Variants in TBC1D22A observed in about 807,000 individuals in gnomAD.
TBC1D22A encodes the protein putative GTPase activator.
Under a neutral mutation model 60.2 loss-of-function variants are expected in TBC1D22A, and 38 were observed. The observed-to-expected ratio is 0.63, with a 90% CI of 0.49 to 0.83. The LOEUF (loss-of-function observed/expected upper bound fraction) is 0.83, where lower values mean the gene tolerates loss of function less well. TBC1D22A is among the 40% of genes least tolerant of loss of function. The pLI is 0.00. For missense variants in TBC1D22A, 628 were observed against 701.0 expected (o/e 0.90, Z 1.18); for synonymous variants, 302 against 281.7 (o/e 1.07, Z -0.72).
chr22:46,926,369 G>T (rs552681732), intron 8 of TBC1D22A, among the ~76,000 whole-genome samples: 1 of 148,664 alleles, frequency 6.7e-6, no homozygotes, highest in East Asian at 2.2e-4. Context: ...GAAAACTCAA[G>T]TTACTAAATT....
At chr22:46,993,671 G>C (rs918484363) in intron 9 of TBC1D22A, among the ~76,000 whole-genome samples, 1 of 152,214 alleles carries the variant, frequency 6.6e-6, no homozygotes, top group African/African-American at 2.4e-5. Context: ...AGGGGCCTTG[G>C]TGCAGCCTGC....
chr22:47,019,398 G>T (rs1175879914), intron 10 of TBC1D22A, among the ~76,000 whole-genome samples: 1 of 152,258 alleles, frequency 6.6e-6, no homozygotes, highest in Admixed American at 6.5e-5. Flanking sequence ...CTGATGAGAT[G>T]GCAGATTGGG....
intron 4 of TBC1D22A, among the ~76,000 whole-genome samples, chr22:46,804,562 C>G (rs888063905): frequency 1.3e-5 from 2 of 152,182 alleles, no homozygotes; most frequent in Non-Finnish European, 2.9e-5. Flanking sequence ...AACACGCTGG[C>G]TCCCCACTTT....
intron 12 of TBC1D22A, 74 bp from the exon 13 acceptor site, chr22:47,173,424 T>C: frequency 6.4e-7 from 1 of 1,571,776 alleles, no homozygotes; most frequent in Non-Finnish European, 8.7e-7. Context: ...TATCTTTCCC[T>C]CCAGTTTTCT....
At chr22:46,940,453 AATATAT>A in intron 8 of TBC1D22A, among the ~76,000 whole-genome samples, 1 of 142,762 alleles carries the variant, frequency 7.0e-6, no homozygotes, top group Non-Finnish European at 1.5e-5. Flanking sequence ...GGGGCACTAG[AATATAT>A]ATATATATAT....
intron 8 of TBC1D22A, among the ~76,000 whole-genome samples, chr22:46,972,845 C>T (rs1360044705): frequency 6.6e-6 from 1 of 152,148 alleles, no homozygotes; most frequent in East Asian, 1.9e-4. Context: ...TGAGGGTCCA[C>T]CCCCAGCACC....
At chr22:46,899,537 A>G (rs1044881564) in intron 7 of TBC1D22A, among the ~76,000 whole-genome samples, 4 of 152,178 alleles carry the variant, frequency 2.6e-5, no homozygotes, top group African/African-American at 4.8e-5. Context: ...TTAGATTTCA[A>G]TACATCTGCA....
intron 8 of TBC1D22A, among the ~76,000 whole-genome samples, chr22:46,968,741 C>A (rs2148101560): frequency 6.6e-6 from 1 of 152,330 alleles, no homozygotes; most frequent in Non-Finnish European, 1.5e-5. Flanking sequence ...TCTTCTGACC[C>A]TTTTTGTTTT....
At chr22:46,829,210 C>T (rs1461794990) in intron 4 of TBC1D22A, among the ~76,000 whole-genome samples, 3 of 152,158 alleles carry the variant, frequency 2.0e-5, no homozygotes, top group Admixed American at 6.6e-5. Context: ...AGTAATCAAA[C>T]GCATTGTTTC....
chr22:46,792,718 A>T, intron 2 of TBC1D22A, 142 bp downstream of exon 2: 1 of 1,564,774 alleles, frequency 6.4e-7, no homozygotes, highest in South Asian at 1.2e-5. Flanking sequence ...CTGATCAAGC[A>T]GTCGCTTTGT....
intron 12 of TBC1D22A, among the ~76,000 whole-genome samples, chr22:47,158,755 G>T (rs1022798383): frequency 6.6e-6 from 1 of 152,130 alleles, no homozygotes; most frequent in African/African-American, 2.4e-5. Flanking sequence ...ATCTCAGGAA[G>T]ATAGCATCAT....
At chr22:46,898,500 CAT>C (rs1243193239) in intron 7 of TBC1D22A, among the ~76,000 whole-genome samples, 1 of 148,328 alleles carries the variant, frequency 6.7e-6, no homozygotes, top group East Asian at 2.0e-4. Context: ...CAGAGAAAAA[CAT>C]TCATGCCTTT....
chr22:46,817,917 C>A lies in TBC1D22A; in HGVS notation c.637+20297C>A, dbSNP rs145380473. Among the ~76,000 whole-genome samples, 1,026 of 152,314 alleles carry A rather than the reference C, an allele frequency of 6.7e-3. 10 individuals carry two copies. The highest frequency in any genetic ancestry group is 0.024 in the African/African-American group (994 of 41,574). On this transcript the variant is annotated intron_variant, in intron 4 of 12. Coordinates refer to ENST00000337137, the MANE Select transcript of TBC1D22A (RefSeq NM_014346.5). ...CATTTCTCCGTAGCCTCACCAGCAT[C>A]TGTTGTTTCCTGACTTTTTAATAAT...
intron 10 of TBC1D22A, among the ~76,000 whole-genome samples, chr22:47,036,031 C>G (rs951620646): frequency 6.6e-6 from 1 of 152,142 alleles, no homozygotes; most frequent in Non-Finnish European, 1.5e-5. Context: ...GAGGGAATGG[C>G]GATCCCTGTG....
chr22:47,032,507 C>T (rs899258915), intron 10 of TBC1D22A, among the ~76,000 whole-genome samples: 2 of 131,372 alleles, frequency 1.5e-5, no homozygotes, highest in South Asian at 2.2e-4. Context: ...GGAGTGGCCG[C>T]GAACACACAC....
intron 3 of TBC1D22A, among the ~76,000 whole-genome samples, chr22:46,794,951 G>A (rs1038712896): frequency 2.0e-5 from 3 of 152,226 alleles, no homozygotes; most frequent in African/African-American, 4.8e-5. Context: ...AGGGTGGCCT[G>A]ATTTTACCCT....
chr22:47,035,135 A>G (rs902680038), intron 10 of TBC1D22A, among the ~76,000 whole-genome samples: 3 of 152,196 alleles, frequency 2.0e-5, no homozygotes, highest in African/African-American at 7.2e-5. Context: ...TGCTGTAGCA[A>G]CTGAGTATCT....
At chr22:46,885,678 G>T (rs1417347659) in intron 5 of TBC1D22A, among the ~76,000 whole-genome samples, 1 of 152,140 alleles carries the variant, frequency 6.6e-6, no homozygotes, top group Non-Finnish European at 1.5e-5. Flanking sequence ...AGGTCTGGCT[G>T]TCACTGCCCC....
chr22:47,096,027 CT>C (rs1450401398), intron 11 of TBC1D22A, among the ~76,000 whole-genome samples: 3 of 152,204 alleles, frequency 2.0e-5, no homozygotes, highest in Admixed American at 6.5e-5. Context: ...GGTCTTTTTG[CT>C]TTTTTTAATT....
Sources: allele counts gnomAD v4.1 joint callset (sites outside exome capture counted in the v4.1 genomes callset), GRCh38; gene constraint gnomAD v4.1.1; transcripts MANE v1.5; gene names NCBI Gene and HGNC (gene_info 2026-07-23, HGNC 2026-07-21).